ODF2L: variants seen among roughly 807,000 people sequenced by gnomAD.
ODF2L encodes outer dense fiber of sperm tails 2 like.
A neutral mutation model predicts 86.3 loss-of-function variants in ODF2L; 76 were observed. The observed-to-expected ratio is 0.88, with a 90% confidence interval of 0.73 to 1.07. The LOEUF is 1.07. Ranked by LOEUF, ODF2L falls within the 50% of genes least tolerant of loss-of-function variation. The pLI, the probability that ODF2L is intolerant of heterozygous loss-of-function variation, is 0.00. For missense variants in ODF2L, 748 were observed against 717.4 expected, an observed-to-expected ratio of 1.04 and a Z score of -0.49; for synonymous variants, 241 against 231.3, an observed-to-expected ratio of 1.04 and a Z score of -0.38.
chr1:86,365,771 C>G (rs1047559829), intron 11 of ODF2L, among the ~76,000 whole-genome samples: 1 of 152,180 alleles, frequency 6.6e-6, no homozygotes, highest in Non-Finnish European at 1.5e-5. Context: ...GGAAGTTCAT[C>G]TATCTGTAGA....
chr1:86,382,021 T>C (rs1048844561), intron 7 of ODF2L: 3 of 419,160 alleles, frequency 7.2e-6, no homozygotes, highest in South Asian at 1.1e-4. Flanking sequence ...CCATAAATCC[T>C]TCCTAGATTG....
At chr1:86,348,918 G>A (rs1190307851), downstream of ODF2L, 2 of 1,525,886 alleles carry the variant, frequency 1.3e-6, no homozygotes, top group South Asian at 2.7e-5. Flanking sequence ...AGCAATAATA[G>A]CATTCATTCC....
At chr1:86,387,048 T>C (rs772333115) in exon 2 of ODF2L, 11 of 1,277,016 alleles carry the variant, frequency 8.6e-6, no homozygotes, top group African/African-American at 1.5e-5. Flanking sequence ...AATGGATTTA[T>C]AGGTGGCTTC....
At chr1:86,367,769 G>T (rs938684908) in intron 11 of ODF2L, among the ~76,000 whole-genome samples, 2 of 152,112 alleles carry the variant, frequency 1.3e-5, no homozygotes, top group Admixed American at 6.5e-5. Flanking sequence ...AGCACTTCAG[G>T]TTATATAACA....
At chr1:86,391,181 A>C (rs780436278) in intron 1 of ODF2L, among the ~76,000 whole-genome samples, 1 of 152,248 alleles carries the variant, frequency 6.6e-6, no homozygotes, top group Non-Finnish European at 1.5e-5. Flanking sequence ...TGCTGAAAGA[A>C]ATCATAGATA....
At chr1:86,365,495 G>C (rs754517646) in intron 11 of ODF2L, among the ~76,000 whole-genome samples, 1 of 152,086 alleles carries the variant, frequency 6.6e-6, no homozygotes, top group Non-Finnish European at 1.5e-5. Context: ...AATTAATATA[G>C]AGAGAATAAA....
At chr1:86,382,612 T>C (rs1660664519) in intron 6 of ODF2L, among the ~76,000 whole-genome samples, 1 of 152,016 alleles carries the variant, frequency 6.6e-6, no homozygotes. Flanking sequence ...AATAAAGGTA[T>C]GGGTATACCT....
At chr1:86,361,087 T>C (rs1308737754) in intron 11 of ODF2L, among the ~76,000 whole-genome samples, 3 of 152,180 alleles carry the variant, frequency 2.0e-5, no homozygotes, top group Non-Finnish European at 2.9e-5. Context: ...CTAAAGAGCA[T>C]AAAATTAAAA....
In ODF2L at chr1:86,385,842, TTCA is replaced by T. The variant is rs1445671207; in HGVS notation, c.114-255_114-253del. ...GTATAGTTAAGTTTGAAGGAGCATT[TTCA>T]ATATTTATAAATAAAATTCCAAGTG... On this transcript the variant is annotated intron_variant, in intron 2 of 17. Transcript: ENST00000317336. The T allele has an allele frequency of 3.6e-5, 9 of 248,786 alleles. 1 individual carries two copies. The highest frequency in any genetic ancestry group is 3.4e-4 in the East Asian group (4 of 11,636). The allele number at this position is 248,786 out of a possible 1,614,324, so 15.4% of individuals were successfully genotyped here.
chr1:86,352,876 C>G (rs539644515), exon 17 of ODF2L: 1 of 1,540,038 alleles, frequency 6.5e-7, no homozygotes, highest in East Asian at 2.3e-5. Context: ...ATTTTGCAAA[C>G]AAGTTGATTT....
chr1:86,358,739 A>G, intron 13 of ODF2L, 48 bp downstream of exon 12: 1 of 791,968 alleles, frequency 1.3e-6, no homozygotes, highest in Non-Finnish European at 1.9e-6. Context: ...TACTATTCAT[A>G]AAGTAAAAAA....
chr1:86,378,257 C>T (rs555677837), intron 7 of ODF2L, among the ~76,000 whole-genome samples: 1 of 152,282 alleles, frequency 6.6e-6, no homozygotes, highest in African/African-American at 2.4e-5. Context: ...AGAAGTTCCT[C>T]ATCTCTATCT....
At chr1:86,394,234 G>A (rs1661538604) in intron 1 of ODF2L, among the ~76,000 whole-genome samples, 3 of 152,028 alleles carry the variant, frequency 2.0e-5, no homozygotes, top group Admixed American at 1.3e-4. Context: ...GCCATGAGAT[G>A]GTGAAACCGC....
At chr1:86,388,391 C>A (rs1402909279) in intron 1 of ODF2L, among the ~76,000 whole-genome samples, 1 of 152,030 alleles carries the variant, frequency 6.6e-6, no homozygotes, top group Non-Finnish European at 1.5e-5. Context: ...GCAACTGGTA[C>A]CAACCCTTTT....
intron 11 of ODF2L, among the ~76,000 whole-genome samples, chr1:86,368,008 T>C (rs1446440725): frequency 6.6e-6 from 1 of 152,156 alleles, no homozygotes; most frequent in African/African-American, 2.4e-5. Flanking sequence ...GTCTGAACCA[T>C]GTAAAAAACA....
At chr1:86,370,963 A>T (rs1005511207) in intron 10 of ODF2L, 55 bp downstream of exon 10, 2 of 1,180,804 alleles carry the variant, frequency 1.7e-6, no homozygotes, top group African/African-American at 3.1e-5. Context: ...ATTTCTACTA[A>T]GTAGACTATG....
chr1:86,354,615 C>T (rs371566990), exon 16 of ODF2L: 5 of 1,607,728 alleles, frequency 3.1e-6, no homozygotes, highest in Non-Finnish European at 4.3e-6. Flanking sequence ...CTTAAGATTG[C>T]TGTGCTTAAG....
intron 11 of ODF2L, among the ~76,000 whole-genome samples, chr1:86,363,058 G>A (rs1659157964): frequency 6.6e-6 from 1 of 152,226 alleles, no homozygotes; most frequent in African/African-American, 2.4e-5. Flanking sequence ...CAGTAACGAT[G>A]AGAGATGATG....
chr1:86,352,749 T>G (rs941567090), intron 17 of ODF2L, 110 bp downstream of exon 16: 2 of 640,368 alleles, frequency 3.1e-6, no homozygotes, highest in South Asian at 5.0e-5. Flanking sequence ...CTTGTTATTT[T>G]TAATATTATC....
Sources: gnomAD v4.1 joint callset for allele counts (sites outside exome capture counted in the v4.1 genomes callset) on GRCh38, gnomAD v4.1.1 for gene constraint, MANE v1.5 for transcripts, NCBI Gene and HGNC (gene_info 2026-07-23, HGNC 2026-07-21) for gene names.